The following NBDY variants were observed in gnomAD, a reference collection of about 807,000 sequenced individuals.
The protein encoded by NBDY is P-body dissociating protein.
At chrX:56,735,185 C>G (rs1454297351) in intron 2 of NBDY, among the ~76,000 whole-genome samples, 2 of 112,277 alleles carry the variant, frequency 1.8e-5, no homozygotes, top group African/African-American at 3.2e-5. Flanking sequence ...CAAATTCTCA[C>G]CTTTTCACCT....
chrX:56,781,001 C>G (rs938160863), intron 2 of NBDY, among the ~76,000 whole-genome samples: 17 of 110,345 alleles, frequency 1.5e-4, no homozygotes, highest in Non-Finnish European at 2.8e-4. Context: ...AAATGTGTGT[C>G]CTTTTCTCAT....
intron 2 of NBDY, among the ~76,000 whole-genome samples, chrX:56,761,013 G>A (rs1381398597): frequency 8.9e-6 from 1 of 112,182 alleles, no homozygotes; most frequent in Non-Finnish European, 1.9e-5. Context: ...GGCCTCCTAA[G>A]AAGGAGACTG....
At chrX:56,746,623 G>A (rs2069559390) in intron 2 of NBDY, among the ~76,000 whole-genome samples, 1 of 110,321 alleles carries the variant, frequency 9.1e-6, no homozygotes, top group Admixed American at 9.7e-5. Context: ...TGCTCATTTG[G>A]TTATTGGCAG....
chrX:56,742,917 A>G (rs2069729771), intron 2 of NBDY, among the ~76,000 whole-genome samples: 2 of 111,319 alleles, frequency 1.8e-5, no homozygotes, highest in South Asian at 7.5e-4. Context: ...TTAGAGGAAA[A>G]GCTTTCAGTT....
At chrX:56,756,866 G>A (rs900589372) in intron 2 of NBDY, among the ~76,000 whole-genome samples, 1 of 110,761 alleles carries the variant, frequency 9.0e-6, no homozygotes, top group African/African-American at 3.3e-5. Context: ...TGAGGCATGA[G>A]AATCACTTGA....
intron 2 of NBDY, among the ~76,000 whole-genome samples, chrX:56,736,437 C>T (rs2069494092): frequency 9.0e-6 from 1 of 111,320 alleles, no homozygotes; most frequent in Admixed American, 9.5e-5. Flanking sequence ...GCCAATTTTC[C>T]GCATCCCTAG....
intron 2 of NBDY, among the ~76,000 whole-genome samples, chrX:56,786,746 G>A (rs1031300220): frequency 2.8e-5 from 3 of 108,983 alleles, no homozygotes; most frequent in East Asian, 2.9e-4. Flanking sequence ...CTTCACTGTC[G>A]GATCTGGGCG....
chrX:56,787,417 C>G (rs1450873292), intron 2 of NBDY, among the ~76,000 whole-genome samples: 2 of 111,410 alleles, frequency 1.8e-5, no homozygotes, highest in Non-Finnish European at 3.8e-5. Context: ...AAGCTACCCA[C>G]AATCTCTTCC....
intron 2 of NBDY, among the ~76,000 whole-genome samples, chrX:56,784,304 C>A (rs1256277145): frequency 4.5e-5 from 5 of 111,810 alleles, no homozygotes; most frequent in African/African-American, 9.8e-5. Context: ...ACCCATGGAG[C>A]AGCAAGGAGT....
At chrX:56,789,805 C>T (rs758548606) in intron 2 of NBDY, among the ~76,000 whole-genome samples, 8 of 111,527 alleles carry the variant, frequency 7.2e-5, no homozygotes, top group Non-Finnish European at 1.5e-4. Context: ...CTCACTGGAA[C>T]GTGGTGGTTC....
intron 2 of NBDY, among the ~76,000 whole-genome samples, chrX:56,782,769 C>T (rs2069701308): frequency 9.0e-6 from 1 of 111,582 alleles, no homozygotes; most frequent in African/African-American, 3.3e-5. Flanking sequence ...TCAGTTTTTG[C>T]AGGGTGTCTC....
intron 2 of NBDY, among the ~76,000 whole-genome samples, chrX:56,765,207 G>A (rs1352829730): frequency 1.8e-5 from 2 of 112,099 alleles, no homozygotes; most frequent in African/African-American, 6.5e-5. Flanking sequence ...CCCCTGCGAG[G>A]AGAAATTGGC....
chrX:56,790,258 A>G (rs900153581), intron 2 of NBDY, among the ~76,000 whole-genome samples: 1 of 112,399 alleles, frequency 8.9e-6, no homozygotes, highest in Non-Finnish European at 1.9e-5. Flanking sequence ...AATATTGCAA[A>G]TGTTTTCTTT....
intron 2 of NBDY, among the ~76,000 whole-genome samples, chrX:56,812,752 T>A (rs2069893449): frequency 9.0e-6 from 1 of 111,668 alleles, no homozygotes; most frequent in South Asian, 3.9e-4. Flanking sequence ...TCAGGACAGC[T>A]TTGGTGACAC....
At chrX:56,793,962 A>T (rs574841503) in intron 2 of NBDY, among the ~76,000 whole-genome samples, 4 of 111,990 alleles carry the variant, frequency 3.6e-5, no homozygotes, top group African/African-American at 1.3e-4. Flanking sequence ...GGCACCTCGG[A>T]GCTGCCCACA....
intron 2 of NBDY, among the ~76,000 whole-genome samples, chrX:56,799,854 C>T (rs73626225): frequency 0.012 from 1,341 of 112,703 alleles, 19 homozygotes; most frequent in African/African-American, 0.041. Flanking sequence ...GGGAAACTTG[C>T]AACAGTAGGA....
At chrX:56,756,432 A>C (rs1382023013) in intron 2 of NBDY, among the ~76,000 whole-genome samples, 1 of 56,974 alleles carries the variant, frequency 1.8e-5, no homozygotes, top group Non-Finnish European at 3.8e-5. Context: ...ATGAAACAAC[A>C]GCTAAAAAAG....
intron 2 of NBDY, among the ~76,000 whole-genome samples, chrX:56,812,028 C>A: frequency 9.0e-6 from 1 of 111,224 alleles, no homozygotes; most frequent in Non-Finnish European, 1.9e-5. Flanking sequence ...CTTGCACTTT[C>A]TTGGTGAGGT....
chrX:56,766,381 A>C (rs1386548625), intron 2 of NBDY, among the ~76,000 whole-genome samples: 1 of 111,801 alleles, frequency 8.9e-6, no homozygotes, highest in Non-Finnish European at 1.9e-5. Context: ...GCAGGCACTT[A>C]CAAGAGACCC....
Sources: gnomAD v4.1 joint callset for allele counts (sites outside exome capture counted in the v4.1 genomes callset) on GRCh38, gnomAD v4.1.1 for gene constraint, MANE v1.5 for transcripts, NCBI Gene and HGNC (gene_info 2026-07-23, HGNC 2026-07-21) for gene names.